The following GPHN variants were observed in gnomAD, a reference collection of about 807,000 sequenced individuals.
GPHN encodes gephyrin.
Under a neutral mutation model 95.5 loss-of-function variants are expected in GPHN, and 17 were observed. That is an observed-to-expected ratio of 0.18 (90% CI 0.12 to 0.27). The LOEUF is 0.27. GPHN is among the 10% of genes least tolerant of loss of function. The probability of loss-of-function intolerance (pLI) is 1.00; values close to 1 mark genes in which losing one functional copy is unlikely to be tolerated. For synonymous variants in GPHN, 320 were observed against 322.5 expected (o/e 0.99, Z 0.08); for missense variants, 660 against 978.1 (o/e 0.67, Z 4.34).
chr14:67,392,122 C>T, the GPHN span, among the ~76,000 whole-genome samples: 10 of 152,264 alleles, frequency 6.6e-5, no homozygotes, highest in Admixed American at 6.5e-4. Flanking sequence ...GCCCTTGTGT[C>T]TGGTACACAT....
chr14:66,862,748 GA>G (rs1326381321), intron 4 of GPHN, among the ~76,000 whole-genome samples: 1 of 152,062 alleles, frequency 6.6e-6, no homozygotes, highest in African/African-American at 2.4e-5. Context: ...ACTTGATGCT[GA>G]AAAATCATTT....
chr14:67,223,631 T>C, the GPHN span: 96 of 746,078 alleles, frequency 1.3e-4, 2 homozygotes, highest in African/African-American at 7.6e-5. Flanking sequence ...TGGCACAACT[T>C]ACAAAATGGG....
the GPHN span, chr14:67,340,353 G>T: frequency 8.9e-7 from 1 of 1,117,472 alleles, no homozygotes; most frequent in South Asian, 1.3e-5. Context: ...TAATTCTAAA[G>T]AACATAAACC....
chr14:67,298,515 CAA>C, the GPHN span, among the ~76,000 whole-genome samples: 11 of 120,700 alleles, frequency 9.1e-5, no homozygotes, highest in Admixed American at 3.2e-4. Flanking sequence ...AACTCCGTCT[CAA>C]AAAAAAAAAA....
At chr14:67,710,258 T>G in the GPHN span, among the ~76,000 whole-genome samples, 2 of 152,204 alleles carry the variant, frequency 1.3e-5, no homozygotes, top group African/African-American at 4.8e-5. Context: ...ACTTTCTAAA[T>G]TAACTGAGAC....
chr14:67,720,420 A>G, the GPHN span, among the ~76,000 whole-genome samples: 16 of 152,286 alleles, frequency 1.1e-4, no homozygotes, highest in African/African-American at 3.8e-4. Context: ...GAAAGGTCTT[A>G]CCACTCTAAA....
the GPHN span, among the ~76,000 whole-genome samples, chr14:67,452,473 CCT>C: frequency 1.3e-5 from 2 of 152,042 alleles, no homozygotes; most frequent in Non-Finnish European, 2.9e-5. Flanking sequence ...AGTCATTAAA[CCT>C]CTTTCTTTTG....
intron 4 of GPHN, among the ~76,000 whole-genome samples, chr14:66,858,103 T>C (rs1006642917): frequency 5.9e-5 from 9 of 152,068 alleles, no homozygotes; most frequent in Admixed American, 5.2e-4. Flanking sequence ...CTCCAAGAAC[T>C]ACAATTCTTG....
chr14:67,445,060 C>T, the GPHN span, among the ~76,000 whole-genome samples: 1 of 152,262 alleles, frequency 6.6e-6, no homozygotes, highest in Middle Eastern at 3.4e-3. Flanking sequence ...CATGCCTGGC[C>T]AAGTTACACA....
chr14:66,818,548 T>C (rs2153488418), intron 3 of GPHN, among the ~76,000 whole-genome samples: 1 of 152,322 alleles, frequency 6.6e-6, no homozygotes, highest in Non-Finnish European at 1.5e-5. Context: ...TTGTGAATAG[T>C]GCTACAATGA....
At chr14:67,413,507 A>C in the GPHN span, among the ~76,000 whole-genome samples, 3 of 152,224 alleles carry the variant, frequency 2.0e-5, no homozygotes, top group African/African-American at 7.2e-5. Context: ...GAGAGGAAGA[A>C]GGTGAACCAG....
At chr14:66,917,653 G>A (rs2065986530) in intron 6 of GPHN, among the ~76,000 whole-genome samples, 1 of 152,150 alleles carries the variant, frequency 6.6e-6, no homozygotes, top group South Asian at 2.1e-4. Context: ...ATTTAGAGTA[G>A]GATTGTATCC....
At chr14:66,933,129 T>C (rs1473213133) in intron 8 of GPHN, among the ~76,000 whole-genome samples, 2 of 152,236 alleles carry the variant, frequency 1.3e-5, no homozygotes, top group Non-Finnish European at 2.9e-5. Context: ...CATGTTTATG[T>C]TTCCTGTGAC....
the GPHN span, among the ~76,000 whole-genome samples, chr14:67,355,432 GAAGT>G: frequency 3.3e-3 from 225 of 68,326 alleles, no homozygotes; most frequent in African/African-American, 9.6e-3. Flanking sequence ...CGAGGATGTA[GAAGT>G]AAGACCCTGT....
intron 21 of GPHN, among the ~76,000 whole-genome samples, chr14:67,169,909 T>A (rs2082500508): frequency 6.6e-6 from 1 of 152,158 alleles, no homozygotes. Flanking sequence ...AAACCCTGTC[T>A]CTACTAAAAA....
intron 1 of GPHN, among the ~76,000 whole-genome samples, chr14:66,640,513 A>G (rs1361921387): frequency 6.6e-6 from 1 of 152,228 alleles, no homozygotes; most frequent in Non-Finnish European, 1.5e-5. Flanking sequence ...ATGAAATGAT[A>G]TTAATTACTT....
the GPHN span, among the ~76,000 whole-genome samples, chr14:67,192,950 CTATA>C: frequency 2.1e-5 from 3 of 143,854 alleles, no homozygotes; most frequent in Non-Finnish European, 4.5e-5. Flanking sequence ...ATAAATATCT[CTATA>C]TATCTATATA....
the GPHN span, chr14:67,383,271 A>G: frequency 1.3e-6 from 2 of 1,593,286 alleles, no homozygotes; most frequent in African/African-American, 2.7e-5. Flanking sequence ...AAATTTGTAT[A>G]GTATTTACTA....
At chr14:67,189,197 T>A in the GPHN span, among the ~76,000 whole-genome samples, 3 of 152,290 alleles carry the variant, frequency 2.0e-5, no homozygotes, top group South Asian at 6.2e-4. Context: ...TTGACTTTTC[T>A]CTCCAAGAAA....
Sources: allele counts gnomAD v4.1 joint callset (sites outside exome capture counted in the v4.1 genomes callset), GRCh38; gene constraint gnomAD v4.1.1; transcripts MANE v1.5; gene names NCBI Gene and HGNC (gene_info 2026-07-23, HGNC 2026-07-21).